IGF2BP3: variants seen among roughly 807,000 people sequenced by gnomAD.
IGF2BP3 encodes the protein insulin like growth factor 2 mRNA binding protein 3, also known as insulin-like growth factor 2 mRNA-binding protein 3.
IGF2BP3 carries 9 observed loss-of-function variants against 73.8 expected under a neutral mutation model. The observed-to-expected ratio is 0.12, with a 90% CI of 0.07 to 0.21. IGF2BP3 has a LOEUF of 0.21. Among genes scored for constraint, IGF2BP3 ranks in the 10% least tolerant of loss-of-function variants. IGF2BP3 has a pLI of 1.00. For synonymous variants in IGF2BP3, 258 were observed against 256.7 expected (o/e 1.01, Z -0.05); for missense variants, 542 against 714.0 (o/e 0.76, Z 2.75).
intron 3 of IGF2BP3, chr7:23,402,791 A>G (rs1786708416): frequency 6.6e-6 from 1 of 152,240 alleles, no homozygotes; most frequent in Non-Finnish European, 1.5e-5. Flanking sequence ...TTTACAAAAA[A>G]GTCAGTAATC....
At chr7:23,448,115 T>A (rs1584055569) in intron 2 of IGF2BP3, among the ~76,000 whole-genome samples, 1 of 152,218 alleles carries the variant, frequency 6.6e-6, no homozygotes, top group Admixed American at 6.5e-5. Context: ...CATTTGGTCA[T>A]CCTTAAAAAT....
intron 3 of IGF2BP3, among the ~76,000 whole-genome samples, chr7:23,410,142 C>A (rs545235723): frequency 2.2e-4 from 34 of 152,222 alleles, no homozygotes; most frequent in Admixed American, 8.5e-4. Context: ...GCACTCCAGC[C>A]TGGGTGACAG....
chr7:23,468,692 G>T, intron 1 of IGF2BP3, 150 bp from the exon 2 acceptor site: 1 of 750,932 alleles, frequency 1.3e-6, no homozygotes. Context: ...GGAGGGAGAA[G>T]CCGACCCCCT....
intron 2 of IGF2BP3, among the ~76,000 whole-genome samples, chr7:23,468,164 A>C (rs1788613189): frequency 6.6e-6 from 1 of 152,172 alleles, no homozygotes; most frequent in Non-Finnish European, 1.5e-5. Context: ...CAAACCCCCC[A>C]AACTGCTTGT....
chr7:23,453,829 A>T (rs1788254994), intron 2 of IGF2BP3, among the ~76,000 whole-genome samples: 1 of 152,128 alleles, frequency 6.6e-6, no homozygotes, highest in Non-Finnish European at 1.5e-5. Context: ...CTAGTTAGAC[A>T]AGGGTGTTTT....
At chr7:23,418,159 A>C (rs185781352) in intron 3 of IGF2BP3, among the ~76,000 whole-genome samples, 2 of 152,272 alleles carry the variant, frequency 1.3e-5, no homozygotes, top group African/African-American at 4.8e-5. Context: ...GTTTCTCTGC[A>C]CCACCCTCTC....
At chr7:23,326,097 A>G (rs1784287680) in intron 10 of IGF2BP3, among the ~76,000 whole-genome samples, 2 of 152,320 alleles carry the variant, frequency 1.3e-5, no homozygotes, top group Admixed American at 6.5e-5. Flanking sequence ...GCTTCTGCAC[A>G]GCAAAAGAAA....
At chr7:23,441,603 A>C (rs539955170) in intron 2 of IGF2BP3, among the ~76,000 whole-genome samples, 1 of 142,242 alleles carries the variant, frequency 7.0e-6, no homozygotes, top group Non-Finnish European at 1.5e-5. Flanking sequence ...AAAAAAAAAA[A>C]AGACACATAT....
At chr7:23,450,581 T>C (rs1051601876) in intron 2 of IGF2BP3, 1 of 152,254 alleles carries the variant, frequency 6.6e-6, no homozygotes, top group Non-Finnish European at 1.5e-5. Context: ...GGATTCTTTT[T>C]GTAACAAGTA....
chr7:23,428,800 T>C (rs543565567), intron 2 of IGF2BP3, among the ~76,000 whole-genome samples: 16 of 151,722 alleles, frequency 1.1e-4, no homozygotes, highest in Admixed American at 7.9e-4. Context: ...GACCTGACAT[T>C]GCCCAAAGAC....
At chr7:23,418,864 T>C in intron 2 of IGF2BP3, 40 bp from the exon 3 acceptor site, 1 of 1,378,758 alleles carries the variant, frequency 7.3e-7, no homozygotes, top group Non-Finnish European at 1.0e-6. Context: ...GAAAAAAACA[T>C]AAAAGCAAAA....
chr7:23,378,614 G>A lies in IGF2BP3; in HGVS notation c.286-16873C>T, dbSNP rs375975340. 2.3e-4 allele frequency among the ~76,000 whole-genome samples: 27 copies of A among 116,876 alleles called. 1 individual carries two copies. Among genetic ancestry groups the A allele is most frequent in the Admixed American group, 1.3e-3 (12 of 9,120 alleles). 76.7% of individuals were successfully genotyped at this position (116,876 alleles called of 152,430 possible). A position where few individuals can be genotyped will look rare whatever the true frequency, so the allele number is the denominator to read the frequency against. On this transcript the variant is annotated intron_variant, in intron 3 of 14. Transcript: ENST00000258729. ...TTTTGAGACAGAGTCTCGCTCTGTC[G>A]CCAGGCTGGAGTGCAGTGGCATGAT...
intron 3 of IGF2BP3, among the ~76,000 whole-genome samples, chr7:23,372,266 G>A (rs888780923): frequency 3.9e-5 from 6 of 152,080 alleles, no homozygotes; most frequent in African/African-American, 1.4e-4. Context: ...GTAGAGATGG[G>A]GTTTCACTAT....
intron 2 of IGF2BP3, among the ~76,000 whole-genome samples, chr7:23,433,612 C>T (rs944529208): frequency 2.6e-5 from 4 of 151,850 alleles, no homozygotes; most frequent in African/African-American, 9.7e-5. Flanking sequence ...TCCCAGTCAG[C>T]TAGGATACAG....
intron 10 of IGF2BP3, among the ~76,000 whole-genome samples, chr7:23,327,262 C>G (rs1157305946): frequency 1.4e-5 from 2 of 147,710 alleles, no homozygotes; most frequent in Non-Finnish European, 3.0e-5. Context: ...AGCCATAAGA[C>G]AGATCCTAAT....
intron 8 of IGF2BP3, 36 bp downstream of exon 8, chr7:23,345,904 G>C (rs779486556): frequency 4.4e-6 from 7 of 1,603,584 alleles, no homozygotes; most frequent in East Asian, 4.5e-5. Flanking sequence ...TACAGTGTTG[G>C]AAAGTTTTCT....
intron 10 of IGF2BP3, among the ~76,000 whole-genome samples, chr7:23,334,435 T>C (rs1194753386): frequency 6.6e-6 from 1 of 152,254 alleles, no homozygotes; most frequent in African/African-American, 2.4e-5. Flanking sequence ...AAATTTTTAC[T>C]TGCAAAACTC....
intron 2 of IGF2BP3, among the ~76,000 whole-genome samples, chr7:23,442,043 C>G (rs1411201453): frequency 1.3e-5 from 2 of 152,208 alleles, no homozygotes; most frequent in East Asian, 1.9e-4. Context: ...ATGAGAATCA[C>G]TTGAACCTGG....
chr7:23,444,577 A>C (rs1788012336), intron 2 of IGF2BP3, among the ~76,000 whole-genome samples: 1 of 151,748 alleles, frequency 6.6e-6, no homozygotes. Context: ...CCCCATCTCT[A>C]CTAAAAAATA....
Sources: gnomAD v4.1 joint callset for allele counts (sites outside exome capture counted in the v4.1 genomes callset) on GRCh38, gnomAD v4.1.1 for gene constraint, MANE v1.5 for transcripts, NCBI Gene and HGNC (gene_info 2026-07-23, HGNC 2026-07-21) for gene names.